Variants in UBR1 observed in about 807,000 individuals in gnomAD.
The protein encoded by UBR1 is ubiquitin protein ligase E3 component n-recognin 1, also known as E3 ubiquitin-protein ligase UBR1.
UBR1 carries 102 observed loss-of-function variants against 242.1 expected under a neutral mutation model. The ratio of observed to expected loss-of-function variants is 0.42; its 90% confidence interval spans 0.36 to 0.50. UBR1 has a LOEUF of 0.50. Among genes scored for constraint, UBR1 ranks in the 20% least tolerant of loss-of-function variants. UBR1 has a pLI of 0.01. For synonymous variants in UBR1, 675 were observed against 684.8 expected, an observed-to-expected ratio of 0.99 and a Z score of 0.22; for missense variants, 1,772 against 2,101.8, an observed-to-expected ratio of 0.84 and a Z score of 3.07.
At chr15:43,038,292 A>G in intron 15 of UBR1, 60 bp from the exon 16 acceptor site, 6 of 1,526,820 alleles carry the variant, frequency 3.9e-6, no homozygotes, top group Non-Finnish European at 4.5e-6. Context: ...TAACTAGTTA[A>G]CTCATCAAGT....
At chr15:43,092,030 G>C (rs761217046) in intron 1 of UBR1, 3 of 454,798 alleles carry the variant, frequency 6.6e-6, no homozygotes, top group South Asian at 3.1e-5. Context: ...AGGTCAGTGA[G>C]CGGAGATCAT....
Position 43,037,678 on chromosome 15 carries a change from TC to T in UBR1, c.2022+94del, listed in dbSNP as rs144337797. 5,269 of 1,003,044 alleles carry T rather than the reference TC, an allele frequency of 5.3e-3. 46 individuals carry two copies. Among genetic ancestry groups the T allele is most frequent in the East Asian group, 0.031 (1,213 of 38,926 alleles). The allele number at this position is 1,003,044 out of a possible 1,614,324, so 62.1% of individuals were successfully genotyped here. ...TATACAAGAGAATAGTAACATACAC[TC>T]AGTAAAATCTAGGAACACAGGGTAA... On this transcript the variant is annotated intron_variant, in intron 17 of 46. Coordinates refer to ENST00000290650, the MANE Select transcript of UBR1 (RefSeq NM_174916.3).
At chr15:43,063,207 C>T (rs2033709309) in intron 6 of UBR1, among the ~76,000 whole-genome samples, 2 of 152,204 alleles carry the variant, frequency 1.3e-5, no homozygotes, top group Non-Finnish European at 2.9e-5. Flanking sequence ...GCTGTAGCTA[C>T]AGGCCTTCTC....
chr15:43,089,453 C>T (rs2034081792), intron 1 of UBR1, among the ~76,000 whole-genome samples: 1 of 152,112 alleles, frequency 6.6e-6, no homozygotes, highest in Non-Finnish European at 1.5e-5. Flanking sequence ...TGAGATTGCG[C>T]CACTGCATTC....
At chr15:43,086,694 T>C (rs552829246) in intron 1 of UBR1, among the ~76,000 whole-genome samples, 1 of 152,320 alleles carries the variant, frequency 6.6e-6, no homozygotes, top group East Asian at 1.9e-4. Flanking sequence ...TCATCAGAAG[T>C]AAAACCTTCT....
intron 25 of UBR1, 62 bp downstream of exon 25, chr15:43,024,764 GATC>G: frequency 6.2e-7 from 1 of 1,609,208 alleles, no homozygotes; most frequent in Non-Finnish European, 8.5e-7. Flanking sequence ...TTAGACCTGA[GATC>G]TTCCCTAGCT....
At chr15:42,955,139 T>C (rs1360080891) in intron 44 of UBR1, among the ~76,000 whole-genome samples, 1 of 152,096 alleles carries the variant, frequency 6.6e-6, no homozygotes, top group Non-Finnish European at 1.5e-5. Flanking sequence ...GCACTCCAGC[T>C]TGGGCAACAG....
At position 42,999,814 on chromosome 15, in the gene UBR1, C is replaced by G. The variant is rs139442469; in HGVS notation, c.3660-1549G>C. Among the ~76,000 whole-genome samples, 475 of 151,048 alleles carry G rather than the reference C, an allele frequency of 3.1e-3. 2 individuals carry two copies. The highest frequency in any genetic ancestry group is 0.011 in the African/African-American group (451 of 41,164). The stretch of plus-strand genomic sequence containing the variant: ...ACTGCACTCCAGCACACAGTGAGAC[C>G]CTATCTAAAAAAAAAAACCAAGAAG... On this transcript the variant is annotated intron_variant, in intron 32 of 46. Coordinates refer to ENST00000290650, the MANE Select transcript of UBR1 (RefSeq NM_174916.3).
chr15:43,007,151 C>A lies in UBR1; in HGVS notation c.3343G>T (p.Val1115Leu). 6.2e-7 allele frequency: 1 copy of A among 1,614,076 alleles called. No individual in the cohort carries two copies. The highest frequency in any genetic ancestry group is 8.5e-7 in the Non-Finnish European group (1 of 1,180,010). The stretch of plus-strand genomic sequence containing the variant: ...GATTTCTGGACACAGGCCGATAATA[C>A]CATGGCATTATTTTCTATTTTCACC... ...QEVKIENNAM[V>L]LSACVQKSTA... The change falls in exon 30 of 47, where the codon GTA (valine) becomes TTA (leucine). Residue 1115 changes from valine (V) to leucine (L), a missense_variant. Physicochemically the swap from Val to Leu is conservative, Grantham distance 32. Around this residue, in one of 3 missense-constraint regions of UBR1, gnomAD observed 965 missense variants for 1,079.7 expected, o/e 0.89. Coordinates refer to ENST00000290650, the MANE Select transcript of UBR1 (RefSeq NM_174916.3).
intron 30 of UBR1, among the ~76,000 whole-genome samples, chr15:43,005,438 C>A (rs1402200070): frequency 1.3e-5 from 2 of 151,308 alleles, no homozygotes; most frequent in South Asian, 2.1e-4. Context: ...GCAGCCCCCG[C>A]CCGGCCAGCC....
intron 6 of UBR1, among the ~76,000 whole-genome samples, chr15:43,061,287 C>A (rs1182900454): frequency 1.3e-5 from 2 of 152,154 alleles, no homozygotes; most frequent in Non-Finnish European, 2.9e-5. Flanking sequence ...AACCAGGAAT[C>A]CAGAGAGGAC....
chr15:43,021,454 C>G (rs1451250425), intron 26 of UBR1, 79 bp from the exon 27 acceptor site: 4 of 1,324,586 alleles, frequency 3.0e-6, no homozygotes, highest in South Asian at 2.4e-5. Context: ...GTTTCAGGAC[C>G]CCTGTGGACA....
chr15:42,974,906 T>A (rs952710620), intron 39 of UBR1, among the ~76,000 whole-genome samples: 1 of 152,156 alleles, frequency 6.6e-6, no homozygotes, highest in Non-Finnish European at 1.5e-5. Flanking sequence ...TTTGTTGATA[T>A]CCACAATAAT....
intron 1 of UBR1, among the ~76,000 whole-genome samples, chr15:43,091,297 G>A (rs564148259): frequency 6.6e-6 from 1 of 152,188 alleles, no homozygotes; most frequent in East Asian, 1.9e-4. Context: ...TATAGGTTGG[G>A]CATCCCACAC....
At position 43,083,423 on chromosome 15, in the gene UBR1, C is replaced by T. The variant is rs547470009; in HGVS notation, c.339-707G>A. Reference sequence around the variant, plus strand: ...TCTCACTCTGTCACCCAGGATGGAACGCAGTGGAAGGCAGTGGCATAATCA... The same window carrying T: ...TCTCACTCTGTCACCCAGGATGGAATGCAGTGGAAGGCAGTGGCATAATCA... On this transcript the variant is annotated intron_variant, in intron 2 of 46. Coordinates refer to ENST00000290650, the MANE Select transcript of UBR1 (RefSeq NM_174916.3). 1.1e-4 allele frequency among the ~76,000 whole-genome samples: 17 copies of T among 152,152 alleles called. No individual in the cohort carries two copies. In the South Asian group the frequency reaches 2.3e-3, roughly 20 times the overall value.
intron 1 of UBR1, among the ~76,000 whole-genome samples, chr15:43,104,375 C>T (rs559821032): frequency 1.3e-5 from 2 of 152,340 alleles, no homozygotes; most frequent in South Asian, 4.1e-4. Flanking sequence ...AGTTTCCCCA[C>T]TCCTTCTAAC....
Position 42,952,384 on chromosome 15 carries a change from G to GTA in UBR1, c.4898_4899dup (p.Leu1634TyrfsTer13). 1.9e-6 allele frequency: 3 copies of GTA among 1,614,236 alleles called. No individual in the cohort carries two copies. Among genetic ancestry groups the GTA allele is most frequent in the Non-Finnish European group, 2.5e-6 (3 of 1,180,050 alleles). On this transcript the variant is annotated frameshift_variant, in exon 45 of 47. Coordinates refer to ENST00000290650, the MANE Select transcript of UBR1 (RefSeq NM_174916.3). LOFTEE classifies it high-confidence loss of function. ...TGGCAGCAAATGTTCTGAGAACATA[G>GTA]TATAGCCCCACAGAAAAGGCAGAGG...
intron 29 of UBR1, among the ~76,000 whole-genome samples, chr15:43,013,274 T>C (rs1210114492): frequency 1.3e-5 from 2 of 152,220 alleles, no homozygotes; most frequent in Non-Finnish European, 2.9e-5. Flanking sequence ...GTACTTTCAA[T>C]ATTTTAAATT....
rs1596118397 is a variant in UBR1, at chr15:43,048,279, A to G, written c.1539+113T>C. 5.3e-6 allele frequency: 4 copies of G among 759,002 alleles called. No individual in the cohort carries two copies. The East Asian group carries it at 1.1e-4, about 20-fold the overall frequency. 47.0% of individuals were successfully genotyped at this position (759,002 alleles called of 1,614,324 possible). A position where few individuals can be genotyped will look rare whatever the true frequency, so the allele number is the denominator to read the frequency against. On this transcript the variant is annotated intron_variant, in intron 13 of 46. Transcript: ENST00000290650. Reference sequence around the variant, plus strand: ...GAGTCAATGTTTAAATCTTGTTTCTACTTTGCTAGATAAATTCTTTCTTGT... The same window carrying G: ...GAGTCAATGTTTAAATCTTGTTTCTGCTTTGCTAGATAAATTCTTTCTTGT...
Sources: gnomAD v4.1 joint callset for allele counts (sites outside exome capture counted in the v4.1 genomes callset) on GRCh38, gnomAD v4.1.1 for gene constraint, gnomAD v4.1.1 regional missense constraint, MANE v1.5 for transcripts, NCBI Gene and HGNC (gene_info 2026-07-23, HGNC 2026-07-21) for gene names.